CDH11: variants seen among roughly 807,000 people sequenced by gnomAD.
CDH11 encodes the protein cadherin 11, also known as cadherin-11.
Under a neutral mutation model 67.8 loss-of-function variants are expected in CDH11, and 11 were observed. The ratio of observed to expected loss-of-function variants is 0.16; its 90% CI spans 0.10 to 0.27. The LOEUF (loss-of-function observed/expected upper bound fraction) is 0.27, where lower values mean the gene tolerates loss of function less well. Among genes scored for constraint, CDH11 ranks in the 10% least tolerant of loss-of-function variants. The pLI is 1.00. For synonymous variants in CDH11, 419 were observed against 400.0 expected (o/e 1.05, Z -0.57); for missense variants, 847 against 1,031.2 (o/e 0.82, Z 2.45).
chr16:65,100,593 C>T (rs1250404724), intron 1 of CDH11, among the ~76,000 whole-genome samples: 3 of 151,904 alleles, frequency 2.0e-5, no homozygotes, highest in African/African-American at 7.3e-5. Flanking sequence ...AAAAAATTAG[C>T]CGGGCGTCGT....
intron 3 of CDH11, among the ~76,000 whole-genome samples, chr16:65,001,568 G>A (rs543431432): frequency 6.6e-6 from 1 of 152,212 alleles, no homozygotes; most frequent in East Asian, 1.9e-4. Context: ...CTTTCTAGAG[G>A]CCTTCATATA....
At chr16:65,006,582 G>T (rs1337158864) in intron 2 of CDH11, among the ~76,000 whole-genome samples, 1 of 152,186 alleles carries the variant, frequency 6.6e-6, no homozygotes, top group Non-Finnish European at 1.5e-5. Context: ...ATACAGGCCT[G>T]AACACAGAGT....
intron 8 of CDH11, 127 bp downstream of exon 8, chr16:64,981,921 C>A: frequency 1.3e-6 from 1 of 772,526 alleles, no homozygotes; most frequent in Non-Finnish European, 2.1e-6. Flanking sequence ...ATCTTGTTTA[C>A]ATTCTATTGA....
chr16:65,011,293 A>C (rs1204768021), intron 2 of CDH11, among the ~76,000 whole-genome samples: 1 of 152,030 alleles, frequency 6.6e-6, no homozygotes, highest in East Asian at 1.9e-4. Context: ...CTGGCTATCA[A>C]TGTCTGAAAG....
chr16:65,112,198 T>C lies in CDH11; in HGVS notation c.-298+9682A>G, dbSNP rs189315689. Among the ~76,000 whole-genome samples the C allele has an allele frequency of 2.9e-3, 435 of 152,234 alleles. 4 individuals are homozygous for C. The highest frequency in any genetic ancestry group is 9.8e-3 in the African/African-American group (407 of 41,536). On this transcript the variant is annotated intron_variant, in intron 1 of 12. Coordinates refer to ENST00000268603, the MANE Select transcript of CDH11 (RefSeq NM_001797.4). ...AGTTTGGCTCAACTAAAGGAAGCAT[T>C]TCCAACAGTGAAGGTTCCCAATGTC... is the stretch of plus-strand genomic sequence containing the variant.
intron 2 of CDH11, among the ~76,000 whole-genome samples, chr16:65,052,767 T>C (rs2074079817): frequency 6.6e-6 from 1 of 152,154 alleles, no homozygotes; most frequent in Non-Finnish European, 1.5e-5. Flanking sequence ...CAAAAATACG[T>C]AATAGGTGAC....
chr16:65,111,009 T>G (rs2142882268), intron 1 of CDH11, among the ~76,000 whole-genome samples: 1 of 152,304 alleles, frequency 6.6e-6, no homozygotes, highest in East Asian at 1.9e-4. Flanking sequence ...CTGTCCCTGC[T>G]CACATCAGGG....
At chr16:65,073,321 T>C (rs2074452140) in intron 1 of CDH11, among the ~76,000 whole-genome samples, 1 of 152,230 alleles carries the variant, frequency 6.6e-6, no homozygotes, top group African/African-American at 2.4e-5. Flanking sequence ...AGTCTCCCTC[T>C]TTCACCCAGG....
chr16:65,117,646 G>C (rs2075264367), intron 1 of CDH11, among the ~76,000 whole-genome samples: 1 of 152,174 alleles, frequency 6.6e-6, no homozygotes, highest in South Asian at 2.1e-4. Flanking sequence ...ATGCCCCAAA[G>C]TGTTTACCGA....
chr16:64,997,910 A>C (rs2142508979), intron 4 of CDH11, among the ~76,000 whole-genome samples: 1 of 152,266 alleles, frequency 6.6e-6, no homozygotes, highest in African/African-American at 2.4e-5. Context: ...TGAAAGACAA[A>C]CCTTTCTTAA....
intron 2 of CDH11, among the ~76,000 whole-genome samples, chr16:65,019,405 C>T (rs969227230): frequency 6.6e-6 from 1 of 152,088 alleles, no homozygotes; most frequent in African/African-American, 2.4e-5. Context: ...CAATCTGTCT[C>T]CTTTCTCTCC....
At chr16:65,080,508 C>T (rs2142797525) in intron 1 of CDH11, among the ~76,000 whole-genome samples, 1 of 152,236 alleles carries the variant, frequency 6.6e-6, no homozygotes, top group African/African-American at 2.4e-5. Flanking sequence ...ATAACAATAA[C>T]AAAATTTGTA....
At chr16:65,118,099 C>A (rs1191841663) in intron 1 of CDH11, among the ~76,000 whole-genome samples, 1 of 152,146 alleles carries the variant, frequency 6.6e-6, no homozygotes, top group Non-Finnish European at 1.5e-5. Flanking sequence ...GTAACAAAAC[C>A]GCTTTTCATG....
At chr16:65,091,279 G>T (rs892124255) in intron 1 of CDH11, among the ~76,000 whole-genome samples, 1 of 152,140 alleles carries the variant, frequency 6.6e-6, no homozygotes, top group African/African-American at 2.4e-5. Context: ...ATATTTTTGT[G>T]CATCTAATTT....
rs1471632205 is a variant in CDH11 at position 65,122,011 on chromosome 16, G to A, written c.-429C>T. The A allele has an allele frequency of 1.0e-5, 7 of 699,162 alleles. No individual in the cohort carries two copies. The Admixed American group carries it at 1.2e-4, about 12-fold the overall frequency. The allele number at this position is 699,162 out of a possible 1,614,324, so 43.3% of individuals were successfully genotyped here. On this transcript the variant is annotated 5_prime_UTR_variant, in exon 1 of 13. Transcript: ENST00000268603. Reference sequence around the variant, plus strand: ...GCGGCGGCTGCGAGCGGCCCCCGCGGCATCTGCTCCTCGGCCCGCGACGCT... The same window carrying A: ...GCGGCGGCTGCGAGCGGCCCCCGCGACATCTGCTCCTCGGCCCGCGACGCT...
At position 65,081,494 on chromosome 16, in the gene CDH11, G is replaced by A. The variant is rs549850167; in HGVS notation, c.-297-27566C>T. On this transcript the variant is annotated intron_variant, in intron 1 of 12. Transcript: ENST00000268603. ...TGAGGCAGGAGAATGGCGTGAACCC[G>A]GGAGGCGGAGCTTGCAGTGAGCCGA... 4.2e-3 allele frequency among the ~76,000 whole-genome samples: 636 copies of A among 151,948 alleles called. 7 individuals are homozygous for A. The highest frequency in any genetic ancestry group is 0.014 in the African/African-American group (588 of 41,466).
chr16:65,016,262 A>G (rs1238919869), intron 2 of CDH11, among the ~76,000 whole-genome samples: 2 of 152,160 alleles, frequency 1.3e-5, no homozygotes, highest in African/African-American at 4.8e-5. Flanking sequence ...AAATAATCCA[A>G]TCTTTGAAAC....
At chr16:64,956,184 T>C (rs1404165193) in intron 11 of CDH11, among the ~76,000 whole-genome samples, 1 of 152,244 alleles carries the variant, frequency 6.6e-6, no homozygotes, top group South Asian at 2.1e-4. Flanking sequence ...TACATATTAA[T>C]TGCCTGACTT....
chr16:65,073,195 G>A (rs2074448622), intron 1 of CDH11, among the ~76,000 whole-genome samples: 1 of 152,134 alleles, frequency 6.6e-6, no homozygotes, highest in Admixed American at 6.6e-5. Context: ...AAGAAACCTA[G>A]ACCCCATAAG....
Sources: allele counts gnomAD v4.1 joint callset (sites outside exome capture counted in the v4.1 genomes callset), GRCh38; gene constraint gnomAD v4.1.1; transcripts MANE v1.5; gene names NCBI Gene and HGNC (gene_info 2026-07-23, HGNC 2026-07-21).